SNCAIP: variants seen among roughly 807,000 people sequenced by gnomAD.
SNCAIP encodes synuclein alpha interacting protein.
Under a neutral mutation model 86.7 loss-of-function variants are expected in SNCAIP, and 43 were observed. The ratio of observed to expected loss-of-function variants is 0.50; its 90% CI spans 0.39 to 0.64. SNCAIP has a LOEUF of 0.64. SNCAIP is among the 30% of genes least tolerant of loss of function. The pLI is 0.00. For synonymous variants in SNCAIP, 417 were observed against 427.2 expected (o/e 0.98, Z 0.29); for missense variants, 981 against 1,103.1 (o/e 0.89, Z 1.57).
chr5:122,444,709 G>A lies in SNCAIP; in HGVS notation c.1569G>A (p.Val523=), dbSNP rs1482313662. The A allele has an allele frequency of 6.2e-7, 1 of 1,613,934 alleles. No individual in the cohort carries two copies. Among genetic ancestry groups the A allele is most frequent in the South Asian group, 1.1e-5 (1 of 91,068 alleles). The part of the protein sequence containing the change: ...ETCMSLASQV[V]KLTKQLKEQT... ...GCATGTCGCTGGCCTCTCAAGTGGT[G>A]AAGTTAACCAAGCAGCTAAAGGAGT... is the stretch of plus-strand genomic sequence containing the variant. The change falls in exon 8 of 11, where the codon GTG becomes GTA. Residue 523 remains valine (V), a synonymous_variant. Coordinates refer to ENST00000261368, the MANE Select transcript of SNCAIP (RefSeq NM_005460.4).
intron 1 of SNCAIP, among the ~76,000 whole-genome samples, chr5:122,368,086 A>G (rs1763537324): frequency 6.6e-6 from 1 of 152,136 alleles, no homozygotes; most frequent in Admixed American, 6.5e-5. Context: ...TGCCATTGCA[A>G]TTAACAGACT....
rs138589833 is a variant in SNCAIP at position 122,384,145 on chromosome 5, C to T, written c.-46-6944C>T. ...TTCTGACCTAGATGGTTCAAAGACA[C>T]ACCCATGATTCAGAGCAGTCCAGGG... On this transcript the variant is annotated intron_variant, in intron 1 of 10. Coordinates refer to ENST00000261368, the MANE Select transcript of SNCAIP (RefSeq NM_005460.4). Among the ~76,000 whole-genome samples, 259 of 152,282 alleles carry T rather than the reference C, an allele frequency of 1.7e-3. 2 individuals are homozygous for T. Among genetic ancestry groups the T allele is most frequent in the African/African-American group, 5.9e-3 (247 of 41,550 alleles).
At chr5:122,340,316 A>C (rs1757305868) in intron 1 of SNCAIP, among the ~76,000 whole-genome samples, 2 of 152,206 alleles carry the variant, frequency 1.3e-5, no homozygotes, top group South Asian at 4.1e-4. Flanking sequence ...AGCCAAATGT[A>C]AATAGTACTA....
intron 1 of SNCAIP, chr5:122,321,838 G>A (rs1333650730): frequency 6.6e-6 from 1 of 152,096 alleles, no homozygotes; most frequent in East Asian, 1.9e-4. Flanking sequence ...TTCTAACCTA[G>A]AATTGTATTG....
At chr5:122,317,136 A>C (rs1450805229) in intron 1 of SNCAIP, among the ~76,000 whole-genome samples, 1 of 152,222 alleles carries the variant, frequency 6.6e-6, no homozygotes, top group African/African-American at 2.4e-5. Flanking sequence ...TTGTAGACTT[A>C]AATGTTTTAA....
chr5:122,313,485 T>C (rs553504491), intron 1 of SNCAIP, among the ~76,000 whole-genome samples: 1 of 152,390 alleles, frequency 6.6e-6, no homozygotes, highest in East Asian at 1.9e-4. Flanking sequence ...ACTACTTTCG[T>C]TGCTGAATCT....
intron 1 of SNCAIP, among the ~76,000 whole-genome samples, chr5:122,329,452 C>T (rs1580813082): frequency 6.6e-6 from 1 of 152,140 alleles, no homozygotes; most frequent in Non-Finnish European, 1.5e-5. Context: ...AAATTGTTCT[C>T]AATTTATGGT....
chr5:122,370,564 A>G (rs1400427168), intron 1 of SNCAIP, among the ~76,000 whole-genome samples: 1 of 152,160 alleles, frequency 6.6e-6, no homozygotes, highest in Non-Finnish European at 1.5e-5. Context: ...GTGCAGTCTT[A>G]TGAAGGCACC....
intron 1 of SNCAIP, chr5:122,312,693 T>TA (rs957454845): frequency 1.9e-4 from 29 of 152,304 alleles, no homozygotes; most frequent in African/African-American, 7.0e-4. Context: ...GAAGTAATAG[T>TA]AATAGCGACA....
chr5:122,366,405 C>CA (rs1239789828), intron 1 of SNCAIP, among the ~76,000 whole-genome samples: 4 of 152,162 alleles, frequency 2.6e-5, no homozygotes, highest in Non-Finnish European at 4.4e-5. Flanking sequence ...CCAAGCCCTC[C>CA]AGTCTTCTGA....
chr5:122,438,384 C>G (rs570975038), intron 6 of SNCAIP, among the ~76,000 whole-genome samples: 1 of 152,278 alleles, frequency 6.6e-6, no homozygotes, highest in South Asian at 2.1e-4. Flanking sequence ...TGTGAGTGCA[C>G]CCTGTGTTAA....
At chr5:122,363,909 A>G (rs1430971069) in intron 1 of SNCAIP, among the ~76,000 whole-genome samples, 2 of 151,764 alleles carry the variant, frequency 1.3e-5, no homozygotes, top group Non-Finnish European at 2.9e-5. Context: ...TGCAGTCTCA[A>G]ACTCCTGGGT....
intron 1 of SNCAIP, among the ~76,000 whole-genome samples, chr5:122,322,626 A>G (rs1268404586): frequency 6.6e-6 from 1 of 152,220 alleles, no homozygotes; most frequent in East Asian, 1.9e-4. Flanking sequence ...GCTGTCACAC[A>G]CTATGTTTTA....
intron 1 of SNCAIP, among the ~76,000 whole-genome samples, chr5:122,379,005 T>C (rs1316857496): frequency 1.6e-5 from 2 of 124,310 alleles, no homozygotes; most frequent in African/African-American, 6.2e-5. Context: ...TGGCTTAGGA[T>C]TGACTTGGCG....
At chr5:122,431,650 A>G (rs1778426344) in intron 5 of SNCAIP, among the ~76,000 whole-genome samples, 1 of 152,166 alleles carries the variant, frequency 6.6e-6, no homozygotes, top group South Asian at 2.1e-4. Flanking sequence ...GAGTATACAT[A>G]TTTGTCAAAA....
chr5:122,458,602 C>A (rs1785365209), intron 10 of SNCAIP, among the ~76,000 whole-genome samples: 1 of 152,202 alleles, frequency 6.6e-6, no homozygotes, highest in Non-Finnish European at 1.5e-5. Context: ...CATCAAGTAT[C>A]CTTCCCCCGG....
At chr5:122,344,929 A>G (rs1290083530) in intron 1 of SNCAIP, among the ~76,000 whole-genome samples, 1 of 152,206 alleles carries the variant, frequency 6.6e-6, no homozygotes, top group East Asian at 1.9e-4. Context: ...TGAAAATAGA[A>G]CACAAAATTC....
chr5:122,397,511 T>C (rs534697376), intron 2 of SNCAIP, among the ~76,000 whole-genome samples: 8 of 152,022 alleles, frequency 5.3e-5, no homozygotes, highest in African/African-American at 1.7e-4. Flanking sequence ...TAAAAGAATT[T>C]AAAAAAAACT....
intron 2 of SNCAIP, among the ~76,000 whole-genome samples, chr5:122,403,326 G>T (rs536064134): frequency 6.6e-6 from 1 of 152,182 alleles, no homozygotes; most frequent in Non-Finnish European, 1.5e-5. Flanking sequence ...CTTTTGCCTA[G>T]TCCAGTCAGC....
Sources: gnomAD v4.1 joint callset for allele counts (sites outside exome capture counted in the v4.1 genomes callset) on GRCh38, gnomAD v4.1.1 for gene constraint, MANE v1.5 for transcripts, NCBI Gene and HGNC (gene_info 2026-07-23, HGNC 2026-07-21) for gene names.